The following HSDL1 variants were observed in gnomAD, a reference collection of about 807,000 sequenced individuals.
HSDL1 encodes the protein inactive hydroxysteroid dehydrogenase-like protein 1.
In HSDL1, 29 loss-of-function variants were observed where a neutral mutation model predicts 31.5. That is an observed-to-expected ratio of 0.92 (90% CI 0.69 to 1.26). The LOEUF (loss-of-function observed/expected upper bound fraction) is 1.26. Among genes scored for constraint, HSDL1 ranks in the 50% most tolerant of loss-of-function variants. HSDL1 has a pLI of 0.00. For missense variants in HSDL1, 503 were observed against 416.6 expected (o/e 1.21, Z -1.81); for synonymous variants, 222 against 155.2 (o/e 1.43, Z -3.20).
At chr16:84,129,922 C>T (rs1160015871) in intron 4 of HSDL1, 64 bp downstream of exon 4, 1 of 1,533,164 alleles carries the variant, frequency 6.5e-7, no homozygotes, top group East Asian at 2.3e-5. Flanking sequence ...CAAATCAGAC[C>T]AAACAACTGT....
At chr16:84,139,974 C>G (rs76117368) in intron 1 of HSDL1, among the ~76,000 whole-genome samples, 1 of 152,166 alleles carries the variant, frequency 6.6e-6, no homozygotes, top group Non-Finnish European at 1.5e-5. Context: ...TTCTTCCTGA[C>G]GTTTCAAGTC....
chr16:84,129,186 C>A (rs2086637012), intron 5 of HSDL1, among the ~76,000 whole-genome samples: 1 of 151,984 alleles, frequency 6.6e-6, no homozygotes, highest in South Asian at 2.1e-4. Flanking sequence ...TCAAGACCAT[C>A]CTGGCTAACA....
chr16:84,145,020 A>T, intron 1 of HSDL1, 60 bp downstream of exon 1: 1 of 151,784 alleles, frequency 6.6e-6, no homozygotes, highest in East Asian at 2.0e-4. Context: ...GAGGGGACCG[A>T]GGAGGGGTCT....
rs1210958858 is a variant in HSDL1 at position 84,122,297 on chromosome 16, C to T, written c.*2333G>A. The T allele has an allele frequency of 6.6e-6, 1 of 152,514 alleles. No individual in the cohort carries two copies. The highest frequency in any genetic ancestry group is 1.5e-5 in the Non-Finnish European group (1 of 68,028). The allele number at this position is 152,514 out of a possible 1,614,324, so 9.4% of individuals were successfully genotyped here. A position where few individuals can be genotyped will look rare whatever the true frequency, so the allele number is the denominator to read the frequency against. ...ACAAAACTCTTCCAAAGGAAACAAA[C>T]AACTACTTTTATTGTTAAACTTTCA... On this transcript the variant is annotated 3_prime_UTR_variant, in exon 6 of 6. Coordinates refer to ENST00000219439, the MANE Select transcript of HSDL1 (RefSeq NM_031463.5).
At chr16:84,144,640 A>G (rs1377678077) in intron 1 of HSDL1, among the ~76,000 whole-genome samples, 1 of 152,092 alleles carries the variant, frequency 6.6e-6, no homozygotes, top group African/African-American at 2.4e-5. Context: ...AGCACCGACA[A>G]AGGAGGCGAT....
chr16:84,143,782 A>T (rs2086796887), intron 1 of HSDL1, among the ~76,000 whole-genome samples: 1 of 151,194 alleles, frequency 6.6e-6, no homozygotes, highest in Non-Finnish European at 1.5e-5. Flanking sequence ...AGATCACTTG[A>T]GGCCAGGAGT....
intron 3 of HSDL1, among the ~76,000 whole-genome samples, chr16:84,130,798 T>C (rs1270517442): frequency 6.6e-6 from 1 of 152,184 alleles, no homozygotes; most frequent in Non-Finnish European, 1.5e-5. Flanking sequence ...TTTCTGAAAG[T>C]GGCAACACTT....
intron 2 of HSDL1, among the ~76,000 whole-genome samples, chr16:84,131,840 C>G (rs573198692): frequency 1.4e-3 from 206 of 152,258 alleles, no homozygotes; most frequent in African/African-American, 4.9e-3. Flanking sequence ...CCACCTCGCC[C>G]GGCTAATTTT....
At chr16:84,126,332 T>G (rs935092224) in intron 5 of HSDL1, among the ~76,000 whole-genome samples, 1 of 152,020 alleles carries the variant, frequency 6.6e-6, no homozygotes, top group Non-Finnish European at 1.5e-5. Context: ...GCTGCTCTGC[T>G]TCAGGGTCTC....
chr16:84,143,584 C>A (rs1052812232), intron 1 of HSDL1, among the ~76,000 whole-genome samples: 1 of 152,062 alleles, frequency 6.6e-6, no homozygotes, highest in Non-Finnish European at 1.5e-5. Flanking sequence ...TGTAAAATGG[C>A]TAAAATGATA....
At chr16:84,126,503 C>T (rs2086608236) in intron 5 of HSDL1, among the ~76,000 whole-genome samples, 1 of 152,136 alleles carries the variant, frequency 6.6e-6, no homozygotes, top group South Asian at 2.1e-4. Context: ...AAGGAATTAC[C>T]TGCTCTCAAT....
Position 84,130,625 on chromosome 16 carries a change from A to C in HSDL1, c.221-194T>G, listed in dbSNP as rs147867877. On this transcript the variant is annotated intron_variant, in intron 3 of 5. Transcript: ENST00000219439. ...GGGCGCATGCTATACACTCTCCCAG[A>C]CATCCTGACACACGGACAGGGAGTT... 3.4e-3 allele frequency among the ~76,000 whole-genome samples: 521 copies of C among 152,362 alleles called. 3 individuals are homozygous for C. Among genetic ancestry groups the C allele is most frequent in the African/African-American group, 0.012 (480 of 41,572 alleles).
chr16:84,129,470 T>G, intron 5 of HSDL1, 78 bp downstream of exon 5: 1 of 1,028,998 alleles, frequency 9.7e-7, no homozygotes. Context: ...ATCTTAGGCT[T>G]TAATCAGATT....
intron 1 of HSDL1, among the ~76,000 whole-genome samples, chr16:84,137,718 A>G (rs2086725460): frequency 1.3e-5 from 2 of 152,238 alleles, no homozygotes; most frequent in African/African-American, 2.4e-5. Flanking sequence ...CCTTCTGTAC[A>G]TGATGGAAAA....
rs2086582211 is a variant in HSDL1 at position 84,124,420 on chromosome 16, C to G, written c.*210G>C. On this transcript the variant is annotated 3_prime_UTR_variant, in exon 6 of 6. Transcript: ENST00000219439. ...TGAAATGTAGATGTCGTCAATCAGC[C>G]TCAGGCATTATTGATCCTGTGCCAT... 1 of 461,406 alleles carries G rather than the reference C, an allele frequency of 2.2e-6. No homozygotes were observed. The highest frequency in any genetic ancestry group is 2.0e-5 in the African/African-American group (1 of 50,976). The allele number at this position is 461,406 out of a possible 1,614,324, so 28.6% of individuals were successfully genotyped here. A position where few individuals can be genotyped will look rare whatever the true frequency, so the allele number is the denominator to read the frequency against.
At chr16:84,128,854 C>T (rs2086633978) in intron 5 of HSDL1, among the ~76,000 whole-genome samples, 1 of 151,910 alleles carries the variant, frequency 6.6e-6, no homozygotes, top group African/African-American at 2.4e-5. Context: ...ACTACAGGCA[C>T]ACACCACTAA....
At chr16:84,142,637 G>T (rs921293531) in intron 1 of HSDL1, among the ~76,000 whole-genome samples, 1 of 151,494 alleles carries the variant, frequency 6.6e-6, no homozygotes, top group Non-Finnish European at 1.5e-5. Flanking sequence ...TAGAGACGGG[G>T]GTTTCACCAT....
intron 1 of HSDL1, among the ~76,000 whole-genome samples, chr16:84,144,080 C>T (rs1308414603): frequency 2.0e-5 from 3 of 148,220 alleles, no homozygotes; most frequent in Admixed American, 6.8e-5. Flanking sequence ...CTCCCTCTCT[C>T]TCTCTCTCTC....
At chr16:84,140,622 A>C (rs1459877765) in intron 1 of HSDL1, among the ~76,000 whole-genome samples, 2 of 152,290 alleles carry the variant, frequency 1.3e-5, no homozygotes, top group African/African-American at 4.8e-5. Context: ...TTCAAAGAAT[A>C]ATAAAACAGC....
Sources: gnomAD v4.1 joint callset for allele counts (sites outside exome capture counted in the v4.1 genomes callset) on GRCh38, gnomAD v4.1.1 for gene constraint, MANE v1.5 for transcripts, NCBI Gene and HGNC (gene_info 2026-07-23, HGNC 2026-07-21) for gene names.